AKAP19: variants seen among roughly 807,000 people sequenced by gnomAD.
AKAP19 encodes small A-kinase anchoring protein.
the AKAP19 span, among the ~76,000 whole-genome samples, chr2:189,944,985 C>T: frequency 1.3e-5 from 2 of 151,990 alleles, no homozygotes; most frequent in Non-Finnish European, 2.9e-5. Context: ...CAATATGCTC[C>T]TAAATGACCA....
the AKAP19 span, among the ~76,000 whole-genome samples, chr2:189,987,127 G>A: frequency 6.6e-6 from 1 of 152,192 alleles, no homozygotes; most frequent in Non-Finnish European, 1.5e-5. Flanking sequence ...ATTCCCACAT[G>A]TTGTGAGAGG....
chr2:190,051,995 G>A, the AKAP19 span, among the ~76,000 whole-genome samples: 10,367 of 151,712 alleles, frequency 0.068, 857 homozygotes, highest in African/African-American at 0.2. Context: ...CCGCCACCAC[G>A]CCTGGCTAAT....
the AKAP19 span, among the ~76,000 whole-genome samples, chr2:190,060,661 G>A: frequency 6.6e-6 from 1 of 151,926 alleles, no homozygotes; most frequent in East Asian, 1.9e-4. Flanking sequence ...TGTTCATCAG[G>A]AATCTATTCC....
At chr2:190,122,222 G>A in the AKAP19 span, among the ~76,000 whole-genome samples, 1 of 152,272 alleles carries the variant, frequency 6.6e-6, no homozygotes, top group Admixed American at 6.5e-5. Flanking sequence ...ATTGATAAAA[G>A]GGGCATTTGA....
the AKAP19 span, among the ~76,000 whole-genome samples, chr2:189,916,669 G>A: frequency 2.9e-4 from 44 of 152,090 alleles, no homozygotes; most frequent in African/African-American, 9.6e-4. Context: ...CTATAATTTT[G>A]TTATTTCAAG....
the AKAP19 span, among the ~76,000 whole-genome samples, chr2:189,946,232 T>G: frequency 6.6e-6 from 1 of 152,198 alleles, no homozygotes; most frequent in African/African-American, 2.4e-5. Context: ...ATATATAGCG[T>G]AAAATAGCAT....
the AKAP19 span, among the ~76,000 whole-genome samples, chr2:189,984,841 T>C: frequency 6.6e-6 from 1 of 151,388 alleles, no homozygotes; most frequent in Non-Finnish European, 1.5e-5. Flanking sequence ...CCTGCAACAT[T>C]TTGGGGGATC....
At chr2:189,882,766 C>T in the AKAP19 span, among the ~76,000 whole-genome samples, 1 of 151,994 alleles carries the variant, frequency 6.6e-6, no homozygotes, top group East Asian at 1.9e-4. Context: ...TTGAGGCCCA[C>T]AAGGAATTTC....
the AKAP19 span, among the ~76,000 whole-genome samples, chr2:190,159,926 A>C: frequency 9.8e-5 from 15 of 152,354 alleles, no homozygotes; most frequent in Admixed American, 2.0e-4. Context: ...GAATTTGCCA[A>C]TGCCAAATTG....
At chr2:190,119,254 T>TC in the AKAP19 span, among the ~76,000 whole-genome samples, 2 of 152,104 alleles carry the variant, frequency 1.3e-5, no homozygotes, top group Non-Finnish European at 2.9e-5. Context: ...AGGAAGAGGC[T>TC]CCCCTATACA....
chr2:189,980,536 T>C, the AKAP19 span, among the ~76,000 whole-genome samples: 1 of 152,162 alleles, frequency 6.6e-6, no homozygotes, highest in Non-Finnish European at 1.5e-5. Flanking sequence ...GGTCTCACCA[T>C]GTTGGCCAGG....
At chr2:189,924,201 C>T in the AKAP19 span, 4 of 1,479,616 alleles carry the variant, frequency 2.7e-6, no homozygotes, top group African/African-American at 4.1e-5. Flanking sequence ...GCGCCAATGG[C>T]GAGGATGACT....
At chr2:190,049,963 T>C in the AKAP19 span, among the ~76,000 whole-genome samples, 1 of 152,330 alleles carries the variant, frequency 6.6e-6, no homozygotes, top group Non-Finnish European at 1.5e-5. Context: ...TTTACATAAA[T>C]GTTTGCATTT....
chr2:190,042,740 G>C, the AKAP19 span, among the ~76,000 whole-genome samples: 1 of 152,108 alleles, frequency 6.6e-6, no homozygotes, highest in Non-Finnish European at 1.5e-5. Flanking sequence ...TTCTGTCCTA[G>C]ACGAGTCATT....
At chr2:190,160,993 T>A in the AKAP19 span, among the ~76,000 whole-genome samples, 9,133 of 152,244 alleles carry the variant, frequency 0.06, 358 homozygotes, top group East Asian at 0.11. Context: ...CATTAGAAAA[T>A]CCTTGATTTA....
the AKAP19 span, among the ~76,000 whole-genome samples, chr2:189,881,274 C>G: frequency 1.3e-5 from 2 of 152,148 alleles, no homozygotes; most frequent in East Asian, 3.9e-4. Flanking sequence ...AAGCTGGGAA[C>G]TGCTTAGGAC....
chr2:190,133,949 T>G, the AKAP19 span, among the ~76,000 whole-genome samples: 1 of 152,224 alleles, frequency 6.6e-6, no homozygotes, highest in African/African-American at 2.4e-5. Flanking sequence ...ATGAAATGTA[T>G]TATACACTTG....
At chr2:189,931,557 G>T in the AKAP19 span, among the ~76,000 whole-genome samples, 2 of 151,924 alleles carry the variant, frequency 1.3e-5, no homozygotes, top group African/African-American at 2.4e-5. Flanking sequence ...GTGGTGACAG[G>T]GTCTCGCTAT....
At chr2:190,037,053 G>A in the AKAP19 span, among the ~76,000 whole-genome samples, 1 of 152,198 alleles carries the variant, frequency 6.6e-6, no homozygotes, top group Admixed American at 6.5e-5. Context: ...AGGCCAAATA[G>A]CTACGTGATA....
Sources: gnomAD v4.1 joint callset for allele counts (sites outside exome capture counted in the v4.1 genomes callset) on GRCh38, gnomAD v4.1.1 for gene constraint, MANE v1.5 for transcripts, NCBI Gene and HGNC (gene_info 2026-07-23, HGNC 2026-07-21) for gene names.